RALGPS1: variants seen among roughly 807,000 people sequenced by gnomAD.
RALGPS1 encodes ras-specific guanine nucleotide-releasing factor RalGPS1.
A neutral mutation model predicts 78.8 loss-of-function variants in RALGPS1; 19 were observed. That is an observed-to-expected ratio of 0.24 (90% CI 0.17 to 0.35). The LOEUF (loss-of-function observed/expected upper bound fraction) is 0.35, where lower values mean the gene tolerates loss of function less well. Ranked by LOEUF, RALGPS1 falls within the 10% of genes least tolerant of loss-of-function variation. The probability of loss-of-function intolerance (pLI) is 1.00; values close to 1 mark genes in which losing one functional copy is unlikely to be tolerated. For missense variants in RALGPS1, 454 were observed against 688.3 expected, an observed-to-expected ratio of 0.66 and a Z score of 3.81; for synonymous variants, 228 against 256.3, an observed-to-expected ratio of 0.89 and a Z score of 1.06.
chr9:127,079,491 A>G (rs766730722), intron 8 of RALGPS1: 2 of 152,238 alleles, frequency 1.3e-5, no homozygotes, highest in Non-Finnish European at 2.9e-5. Context: ...GCTTCTAACA[A>G]ATATGACAGA....
At chr9:127,019,808 T>A (rs2045271722) in intron 4 of RALGPS1, among the ~76,000 whole-genome samples, 1 of 152,146 alleles carries the variant, frequency 6.6e-6, no homozygotes, top group Non-Finnish European at 1.5e-5. Flanking sequence ...TAAACATGTG[T>A]CATGGGGGGT....
At chr9:127,035,905 TAA>T (rs1003018732) in intron 5 of RALGPS1, among the ~76,000 whole-genome samples, 1 of 146,404 alleles carries the variant, frequency 6.8e-6, no homozygotes, top group Admixed American at 6.8e-5. Context: ...AGTCTTTAAT[TAA>T]AAAAAAAAAG....
chr9:127,118,510 G>A (rs967277152), intron 8 of RALGPS1, among the ~76,000 whole-genome samples: 21 of 152,096 alleles, frequency 1.4e-4, no homozygotes, highest in Non-Finnish European at 2.5e-4. Flanking sequence ...GCAGGCTGGG[G>A]TGGAACCAGC....
intron 14 of RALGPS1, among the ~76,000 whole-genome samples, chr9:127,203,934 A>G (rs555195089): frequency 2.0e-5 from 3 of 152,332 alleles, no homozygotes; most frequent in African/African-American, 4.8e-5. Context: ...TTAGAGTCTC[A>G]TACAGGCTGG....
intron 1 of RALGPS1, among the ~76,000 whole-genome samples, chr9:126,942,864 G>A (rs1036664720): frequency 2.6e-5 from 4 of 151,842 alleles, no homozygotes; most frequent in Non-Finnish European, 5.9e-5. Context: ...TTGTCTTTTA[G>A]TAAGGTTTTA....
chr9:126,962,701 A>T (rs923557736), intron 2 of RALGPS1, among the ~76,000 whole-genome samples: 1 of 152,256 alleles, frequency 6.6e-6, no homozygotes, highest in African/African-American at 2.4e-5. Flanking sequence ...GACAGAAGTC[A>T]TTCCAACTGG....
chr9:127,180,172 T>G (rs1338626068), intron 11 of RALGPS1, among the ~76,000 whole-genome samples: 1 of 152,228 alleles, frequency 6.6e-6, no homozygotes, highest in African/African-American at 2.4e-5. Flanking sequence ...TAAAGAACGT[T>G]GACCCCCAGA....
At chr9:126,945,847 G>GGGTATT (rs2037211696) in intron 1 of RALGPS1, among the ~76,000 whole-genome samples, 2 of 152,174 alleles carry the variant, frequency 1.3e-5, no homozygotes, top group African/African-American at 4.8e-5. Context: ...GGCAGACATC[G>GGGTATT]TCTTCTCTTA....
At chr9:126,958,178 T>C (rs1396117914) in intron 1 of RALGPS1, among the ~76,000 whole-genome samples, 2 of 135,888 alleles carry the variant, frequency 1.5e-5, no homozygotes, top group African/African-American at 5.2e-5. Flanking sequence ...CACACACATA[T>C]ATGTGTATAT....
chr9:127,136,083 CAAT>C (rs1481604778), intron 8 of RALGPS1, among the ~76,000 whole-genome samples: 1 of 152,124 alleles, frequency 6.6e-6, no homozygotes. Context: ...CCAGATTCCT[CAAT>C]AAAGTAGTAA....
intron 5 of RALGPS1, among the ~76,000 whole-genome samples, chr9:127,047,038 A>G (rs896421062): frequency 1.3e-5 from 2 of 151,974 alleles, no homozygotes; most frequent in East Asian, 3.8e-4. Flanking sequence ...GTATGGCAAC[A>G]TGGATCTGCT....
At chr9:127,146,381 G>A (rs2058093816) in intron 8 of RALGPS1, among the ~76,000 whole-genome samples, 1 of 152,074 alleles carries the variant, frequency 6.6e-6, no homozygotes, top group Admixed American at 6.5e-5. Context: ...CTATATCCGT[G>A]TTGCTTTGAA....
intron 1 of RALGPS1, among the ~76,000 whole-genome samples, chr9:126,954,366 G>A (rs533168051): frequency 6.6e-6 from 1 of 152,194 alleles, no homozygotes; most frequent in African/African-American, 2.4e-5. Context: ...CCAAGCTGCT[G>A]CCATCTATTA....
chr9:126,963,293 A>G (rs947737498), intron 2 of RALGPS1, among the ~76,000 whole-genome samples: 15 of 152,030 alleles, frequency 9.9e-5, no homozygotes, highest in East Asian at 1.9e-4. Context: ...TCAGACTTCT[A>G]TTTCCATTTA....
chr9:127,095,737 C>T (rs1360377455), intron 8 of RALGPS1, among the ~76,000 whole-genome samples: 1 of 152,198 alleles, frequency 6.6e-6, no homozygotes, highest in Non-Finnish European at 1.5e-5. Context: ...TCTCAGATTC[C>T]TTCCTGGCTG....
chr9:127,205,180 T>A lies in RALGPS1; in HGVS notation c.1247+6114T>A, dbSNP rs763983251. 1.3e-4 allele frequency among the ~76,000 whole-genome samples: 20 copies of A among 152,224 alleles called. No individual in the cohort carries two copies. Among genetic ancestry groups the A allele is most frequent in the Non-Finnish European group, 2.4e-4 (16 of 68,036 alleles). On this transcript the variant is annotated intron_variant, in intron 14 of 18. Coordinates refer to ENST00000259351, the MANE Select transcript of RALGPS1 (RefSeq NM_014636.3). The surrounding 1 kb of genome is among the most constrained non-coding windows in gnomAD (Gnocchi z 4.0). ...GGACAGTTGGCCTATCTCTCCTGCA[T>A]GAGACTCAGAGACACTGAGCCCTGG... is the stretch of plus-strand genomic sequence containing the variant.
At chr9:127,141,668 C>T (rs2057791694) in intron 8 of RALGPS1, among the ~76,000 whole-genome samples, 1 of 149,452 alleles carries the variant, frequency 6.7e-6, no homozygotes. Flanking sequence ...CTTATCATTT[C>T]CTGGAGAAAG....
intron 8 of RALGPS1, among the ~76,000 whole-genome samples, chr9:127,144,377 A>C (rs12551115): frequency 0.38 from 57,339 of 152,106 alleles, 12,788 homozygotes; most frequent in Non-Finnish European, 0.49. Context: ...TTTAGATGGC[A>C]TGGTAGATAA....
intron 3 of RALGPS1, among the ~76,000 whole-genome samples, chr9:126,966,330 G>T (rs1329836977): frequency 6.6e-6 from 1 of 152,010 alleles, no homozygotes; most frequent in African/African-American, 2.4e-5. Flanking sequence ...ATCAGCCTGG[G>T]CAGCATAGGG....
Sources: gnomAD v4.1 joint callset for allele counts (sites outside exome capture counted in the v4.1 genomes callset) on GRCh38, gnomAD v4.1.1 for gene constraint, Gnocchi (gnomAD v3.1) non-coding constraint, MANE v1.5 for transcripts, NCBI Gene and HGNC (gene_info 2026-07-23, HGNC 2026-07-21) for gene names.